TMOD2: variants seen among roughly 807,000 people sequenced by gnomAD.
The protein encoded by TMOD2 is tropomodulin-2.
Under a neutral mutation model 39.9 loss-of-function variants are expected in TMOD2, and 22 were observed. The observed-to-expected ratio is 0.55, with a 90% CI of 0.39 to 0.79. TMOD2 has a LOEUF of 0.79. TMOD2 is among the 30% of genes least tolerant of loss of function. The probability of loss-of-function intolerance (pLI) is 0.00; values close to 1 mark genes in which losing one functional copy is unlikely to be tolerated. For synonymous variants in TMOD2, 123 were observed against 146.1 expected (o/e 0.84, Z 1.14); for missense variants, 386 against 413.3 (o/e 0.93, Z 0.57).
At chr15:51,797,320 T>C (rs117577498) in intron 7 of TMOD2, among the ~76,000 whole-genome samples, 5 of 152,264 alleles carry the variant, frequency 3.3e-5, no homozygotes, top group Non-Finnish European at 5.9e-5. Context: ...TGGCAGCTGC[T>C]CTTTTTCCTG....
chr15:51,768,651 C>T (rs896445649), intron 3 of TMOD2, among the ~76,000 whole-genome samples: 2 of 149,036 alleles, frequency 1.3e-5, no homozygotes, highest in South Asian at 4.3e-4. Context: ...AGCCCATGAA[C>T]TGGATTCAGT....
intron 7 of TMOD2, chr15:51,783,791 A>ATAGATAGATAGG (rs1466828318): frequency 4.6e-5 from 7 of 152,030 alleles, no homozygotes; most frequent in South Asian, 2.1e-4. Flanking sequence ...AGATAGATAG[A>ATAGATAGATAGG]TAAAAGAAAA....
chr15:51,796,096 A>AG, intron 7 of TMOD2, among the ~76,000 whole-genome samples: 1 of 103,596 alleles, frequency 9.7e-6, no homozygotes, highest in Non-Finnish European at 2.1e-5. Flanking sequence ...CCTGTTTATA[A>AG]TGGAGAGCAA....
At chr15:51,768,456 C>T (rs754457588) in intron 3 of TMOD2, 38 bp downstream of exon 3, 4 of 1,517,166 alleles carry the variant, frequency 2.6e-6, no homozygotes, top group Admixed American at 2.4e-5. Context: ...AACAGAGGTT[C>T]TCTCTTTTTT....
chr15:51,796,403 A>C (rs189448091), intron 7 of TMOD2, among the ~76,000 whole-genome samples: 1 of 152,164 alleles, frequency 6.6e-6, no homozygotes, highest in East Asian at 1.9e-4. Context: ...CTGACCTGCC[A>C]CCTTCTCTGC....
chr15:51,795,043 C>A (rs1343387337), intron 7 of TMOD2, among the ~76,000 whole-genome samples: 1 of 152,134 alleles, frequency 6.6e-6, no homozygotes, highest in Non-Finnish European at 1.5e-5. Context: ...TGATCCTTTG[C>A]AGGTAACTTG....
chr15:51,778,656 T>TC, intron 5 of TMOD2, among the ~76,000 whole-genome samples: 1 of 129,722 alleles, frequency 7.7e-6, no homozygotes, highest in Admixed American at 7.7e-5. Context: ...TTTTTTTTTT[T>TC]TTTTTTTTTT....
chr15:51,773,411 C>T (rs2055866503), intron 3 of TMOD2, among the ~76,000 whole-genome samples: 2 of 152,188 alleles, frequency 1.3e-5, no homozygotes, highest in Non-Finnish European at 2.9e-5. Flanking sequence ...CCTCTCCTGC[C>T]CAGACCCAAG....
In TMOD2 at chr15:51,812,751, G is replaced by A. The variant is rs1253495199; in HGVS notation, c.*4297G>A. On this transcript the variant is annotated 3_prime_UTR_variant, in exon 10 of 10. Coordinates refer to ENST00000249700, the MANE Select transcript of TMOD2 (RefSeq NM_014548.4). ...AAGTGTTTCTGGAGTCAGGTTTTAA[G>A]TCATGATCCTGAAGCTTCCTTCCCC... 1.3e-5 allele frequency: 2 copies of A among 152,328 alleles called. No individual in the cohort carries two copies. The highest frequency in any genetic ancestry group is 2.9e-5 in the Non-Finnish European group (2 of 68,034). The allele number at this position is 152,328 out of a possible 1,614,324, so 9.4% of individuals were successfully genotyped here.
chr15:51,763,504 T>C (rs1264588407), intron 1 of TMOD2, among the ~76,000 whole-genome samples: 1 of 152,148 alleles, frequency 6.6e-6, no homozygotes, highest in African/African-American at 2.4e-5. Flanking sequence ...TGCCATCGAG[T>C]GGTAATTTAA....
chr15:51,768,376 A>T lies in TMOD2; in HGVS notation c.241A>T (p.Lys81Ter). The T allele has an allele frequency of 1.2e-6, 2 of 1,614,156 alleles. No homozygotes were observed. The highest frequency in any genetic ancestry group is 1.7e-6 in the Non-Finnish European group (2 of 1,180,040). ...MYLEKEALEQ[K>*]DREDFVPFTG... ...CCTGGAGAAGGAGGCTTTGGAACAG[A>T]AAGACAGAGAGGACTTTGTGCCCTT... The change falls in exon 3 of 10, where the codon AAA (lysine) becomes TAA (stop). Residue 81 changes from lysine (K) to a stop codon, truncating the protein, a stop_gained. Transcript: ENST00000249700. LOFTEE classifies it high-confidence loss of function.
At chr15:51,773,472 A>G (rs920774980) in intron 3 of TMOD2, among the ~76,000 whole-genome samples, 1 of 152,134 alleles carries the variant, frequency 6.6e-6, no homozygotes, top group South Asian at 2.1e-4. Context: ...CTCTGTGTTT[A>G]AGGACTGTAG....
In TMOD2 at chr15:51,806,529, A is replaced by C; in HGVS notation, c.1021+8A>C. ...CAAAGAATAATGACCTGGGTAATTC[A>C]GCCATAATATTTGCTGTTAACAATT... On this transcript the variant is annotated splice_region_variant and intron_variant, in intron 9 of 9. Coordinates refer to ENST00000249700, the MANE Select transcript of TMOD2 (RefSeq NM_014548.4). 1 of 1,614,064 alleles carries C rather than the reference A, an allele frequency of 6.2e-7. No homozygotes were observed. The highest frequency in any genetic ancestry group is 8.5e-7 in the Non-Finnish European group (1 of 1,179,950).
intron 1 of TMOD2, among the ~76,000 whole-genome samples, chr15:51,762,233 G>T (rs1394470180): frequency 1.3e-5 from 2 of 152,014 alleles, no homozygotes; most frequent in African/African-American, 4.8e-5. Context: ...AGGCTGGGAG[G>T]ATTGTTTGAA....
intron 6 of TMOD2, 73 bp downstream of exon 6, chr15:51,781,247 G>T (rs770459549): frequency 6.4e-5 from 91 of 1,414,618 alleles, no homozygotes; most frequent in Non-Finnish European, 8.1e-5. Flanking sequence ...ATGACCTATT[G>T]CTTGTTTTCA....
At chr15:51,793,134 C>T (rs1206718311) in intron 7 of TMOD2, among the ~76,000 whole-genome samples, 1 of 152,062 alleles carries the variant, frequency 6.6e-6, no homozygotes, top group East Asian at 1.9e-4. Context: ...TAAATAGATG[C>T]TCCTTGACTT....
chr15:51,796,442 C>T (rs1222061517), intron 7 of TMOD2, among the ~76,000 whole-genome samples: 1 of 152,036 alleles, frequency 6.6e-6, no homozygotes, highest in Non-Finnish European at 1.5e-5. Flanking sequence ...TCACAGGCAG[C>T]CTGAGAGTCC....
At chr15:51,783,759 A>ATAGATAGT (rs1491189444) in intron 7 of TMOD2, 3 of 151,262 alleles carry the variant, frequency 2.0e-5, no homozygotes, top group African/African-American at 7.3e-5. Flanking sequence ...AGATAGATAG[A>ATAGATAGT]TAGATAGATA....
intron 1 of TMOD2, among the ~76,000 whole-genome samples, chr15:51,765,909 C>G (rs2055813307): frequency 6.6e-6 from 1 of 152,216 alleles, no homozygotes; most frequent in Non-Finnish European, 1.5e-5. Flanking sequence ...TTCTTCACAT[C>G]ACTCTCTCCC....
Sources: allele counts gnomAD v4.1 joint callset (sites outside exome capture counted in the v4.1 genomes callset), GRCh38; gene constraint gnomAD v4.1.1; transcripts MANE v1.5; gene names NCBI Gene and HGNC (gene_info 2026-07-23, HGNC 2026-07-21).